Variants in DEDD observed in about 807,000 individuals in gnomAD.
DEDD encodes the protein death effector domain containing.
Under a neutral mutation model 29.2 loss-of-function variants are expected in DEDD, and 3 were observed. The observed-to-expected ratio is 0.10, with a 90% CI of 0.05 to 0.27. The LOEUF (loss-of-function observed/expected upper bound fraction) is 0.27, where lower values mean the gene tolerates loss of function less well. Among genes scored for constraint, DEDD ranks in the 10% least tolerant of loss-of-function variants. The pLI, the probability that DEDD is intolerant of heterozygous loss-of-function variation, is 1.00. For synonymous variants in DEDD, 152 were observed against 161.3 expected (o/e 0.94, Z 0.44); for missense variants, 261 against 420.5 (o/e 0.62, Z 3.32).
chr1:161,126,068 C>T (rs971355790), intron 2 of DEDD, among the ~76,000 whole-genome samples: 38 of 152,334 alleles, frequency 2.5e-4, no homozygotes, highest in East Asian at 9.6e-4. Flanking sequence ...TCCAATCACA[C>T]AATCAATCCT....
At chr1:161,128,901 C>G (rs918051135) in intron 2 of DEDD, among the ~76,000 whole-genome samples, 1 of 152,198 alleles carries the variant, frequency 6.6e-6, no homozygotes, top group African/African-American at 2.4e-5. Flanking sequence ...CTTGGGTCCT[C>G]TGTCACCTGC....
At chr1:161,130,195 A>C (rs745658565) in intron 2 of DEDD, among the ~76,000 whole-genome samples, 4 of 152,244 alleles carry the variant, frequency 2.6e-5, no homozygotes, top group Non-Finnish European at 5.9e-5. Context: ...TTGTAATTTC[A>C]TAGAATTAAG....
intron 2 of DEDD, among the ~76,000 whole-genome samples, chr1:161,126,449 T>C (rs1419867177): frequency 6.6e-6 from 1 of 151,242 alleles, no homozygotes; most frequent in African/African-American, 2.4e-5. Context: ...GTTCAAGCGA[T>C]TCTCCTGCCT....
chr1:161,120,988 CATT>C lies in DEDD; in HGVS notation c.*1156_*1158del. The C allele has an allele frequency of 7.1e-7, 1 of 1,404,136 alleles. No individual in the cohort carries two copies. Among genetic ancestry groups the C allele is most frequent in the South Asian group, 1.6e-5 (1 of 62,960 alleles). The allele number at this position is 1,404,136 out of a possible 1,614,324, so 87.0% of individuals were successfully genotyped here. Reference sequence around the variant, plus strand: ...TCAGAAAGGTGGAATTTTATATAGTCATTGTTTATTTCATGGAAACTGAAGTTC... The same window carrying C: ...TCAGAAAGGTGGAATTTTATATAGTCGTTTATTTCATGGAAACTGAAGTTC... On this transcript the variant is annotated 3_prime_UTR_variant, in exon 6 of 6. Transcript: ENST00000368006.
At chr1:161,127,264 C>G (rs1237282995) in intron 2 of DEDD, among the ~76,000 whole-genome samples, 1 of 152,176 alleles carries the variant, frequency 6.6e-6, no homozygotes, top group Non-Finnish European at 1.5e-5. Context: ...TGCATATATT[C>G]TAACTAGCCA....
rs767409874 is a variant in DEDD at position 161,124,318 on chromosome 1, A to G, written c.145T>C (p.Phe49Leu). 15 of 1,614,148 alleles carry G rather than the reference A, an allele frequency of 9.3e-6. No individual in the cohort carries two copies. The highest frequency in any genetic ancestry group is 1.3e-5 in the Non-Finnish European group (15 of 1,180,050). Residue 49 changes from phenylalanine (F) to leucine (L), a missense_variant, in exon 3 of 6, where the codon TTT becomes CTT. Coordinates refer to ENST00000368006, the MANE Select transcript of DEDD (RefSeq NM_032998.3). Reference sequence around the variant, plus strand: ...TCGTGGTCATCAATGACATCAACAAAGAGGAAAGAAAGCACGCGCACATCT... The same window carrying G: ...TCGTGGTCATCAATGACATCAACAAGGAGGAAAGAAAGCACGCGCACATCT... Reference protein sequence around the residue: ...HRDVRVLSFLFVDVIDDHERG... With the variant: ...HRDVRVLSFLLVDVIDDHERG...
At position 161,122,648 on chromosome 1, in the gene DEDD, A is replaced by C; in HGVS notation, c.581-125T>G. On this transcript the variant is annotated intron_variant, in intron 5 of 5. Transcript: ENST00000368006. The surrounding 1 kb of genome is among the most constrained non-coding windows in gnomAD (Gnocchi z 4.2). The stretch of plus-strand genomic sequence containing the variant: ...GGGAATATCACCTGACAGCTTCTCT[A>C]CCTCTTCCCCAGGACTATTTCTATG... 1 of 1,232,132 alleles carries C rather than the reference A, an allele frequency of 8.1e-7. No individual in the cohort carries two copies. The highest frequency in any genetic ancestry group is 1.1e-6 in the Non-Finnish European group (1 of 896,424). The allele number at this position is 1,232,132 out of a possible 1,614,324, so 76.3% of individuals were successfully genotyped here.
chr1:161,124,432 C>T lies in DEDD; in HGVS notation c.31G>A (p.Val11Met), dbSNP rs1382044779. The T allele has an allele frequency of 4.4e-6, 7 of 1,605,352 alleles. No individual in the cohort carries two copies. The highest frequency in any genetic ancestry group is 3.3e-5 in the Admixed American group (2 of 59,878). ...TGCTCACCATGCTCTTCTGGCCACACCTGGCTTGCCCGCCGCTTTAGGCCC... is the reference window on the plus strand; with the variant it reads ...TGCTCACCATGCTCTTCTGGCCACATCTGGCTTGCCCGCCGCTTTAGGCCC... MAGLKRRASQVWPEEHGEQEH... is the reference protein window; with the variant it reads MAGLKRRASQMWPEEHGEQEH... Residue 11 changes from valine to methionine, a missense_variant, in exon 3 of 6, where the codon GTG (valine) becomes ATG (methionine). This residue lies in a region of DEDD where 203 missense variants were observed against 268.7 expected (regional missense o/e 0.76). Coordinates refer to ENST00000368006, the MANE Select transcript of DEDD (RefSeq NM_032998.3).
In DEDD at chr1:161,122,430, T is replaced by C. The variant is rs1655599115; in HGVS notation, c.674A>G (p.Gln225Arg). The change falls in exon 6 of 6, where the codon CAG becomes CGG. Residue 225 changes from glutamine to arginine, a missense_variant. Gln to Arg is a conservative substitution (Grantham distance 43, BLOSUM62 1). This residue lies in a region of DEDD where 58 missense variants were observed against 151.8 expected (regional missense o/e 0.38). Coordinates refer to ENST00000368006, the MANE Select transcript of DEDD (RefSeq NM_032998.3). This position sits in a 1 kb window ranked among gnomAD's most constrained non-coding sequence, Gnocchi z 4.2. ...GTTGGCCTGGTTAAAGCGCTCAAAC[T>C]GGCGCTCAAGTGGGTCCTGCTTGTT... ...FSNKQDPLER[Q>R]FERFNQANTI... The C allele has an allele frequency of 6.2e-7, 1 of 1,614,084 alleles. No homozygotes were observed.
intron 2 of DEDD, among the ~76,000 whole-genome samples, chr1:161,129,162 CAT>C (rs1267209686): frequency 2.6e-5 from 4 of 152,146 alleles, no homozygotes; most frequent in African/African-American, 7.2e-5. Flanking sequence ...ATGAAGCAAA[CAT>C]AGAAATATGT....
rs372299636 is a variant in DEDD, at chr1:161,123,546, G to A, written c.433+293C>T. On this transcript the variant is annotated intron_variant, in intron 4 of 5. Transcript: ENST00000368006. Reference sequence around the variant, plus strand: ...AGCTACTCAGGAGGCTGAGGCAGGAGAATGGCGTGCACCTGGGAAGTGGGG... The same window carrying A: ...AGCTACTCAGGAGGCTGAGGCAGGAAAATGGCGTGCACCTGGGAAGTGGGG... Among the ~76,000 whole-genome samples, 8 of 151,140 alleles carry A rather than the reference G, an allele frequency of 5.3e-5. No individual in the cohort carries two copies. The East Asian group carries it at 9.8e-4, about 18-fold the overall frequency.
rs74124645 is a variant in DEDD, at chr1:161,127,976, C to T, written c.-65+2839G>A. 3.1e-3 allele frequency among the ~76,000 whole-genome samples: 465 copies of T among 152,320 alleles called. 3 individuals carry two copies. The highest frequency in any genetic ancestry group is 0.011 in the African/African-American group (446 of 41,562). On this transcript the variant is annotated intron_variant, in intron 2 of 5. Transcript: ENST00000368006. ...TGAAGAAACACTGTCCCCACATACC[C>T]TCGCAATGGAAAATAAGGCAAAATA...
At chr1:161,130,282 C>T (rs1656559856) in intron 2 of DEDD, among the ~76,000 whole-genome samples, 1 of 152,090 alleles carries the variant, frequency 6.6e-6, no homozygotes, top group Non-Finnish European at 1.5e-5. Flanking sequence ...TATCTTGAAA[C>T]TTAAATTAAA....
intron 4 of DEDD, 57 bp downstream of exon 4, chr1:161,123,782 G>T: frequency 6.9e-7 from 1 of 1,440,892 alleles, no homozygotes; most frequent in Non-Finnish European, 9.6e-7. Flanking sequence ...AGAATGTGAT[G>T]GGATCAGTGT....
Position 161,121,978 on chromosome 1 carries a change from G to A in DEDD, c.*169C>T. 3 of 834,774 alleles carry A rather than the reference G, an allele frequency of 3.6e-6. No individual in the cohort carries two copies. The highest frequency in any genetic ancestry group is 1.8e-5 in the South Asian group (1 of 54,940). The allele number at this position is 834,774 out of a possible 1,614,324, so 51.7% of individuals were successfully genotyped here. ...GGGGAAGCCCAGGCACATGGGTGCAGGGAGGGGTGGGGAATACCACTTCCA... is the reference window on the plus strand; with the variant it reads ...GGGGAAGCCCAGGCACATGGGTGCAAGGAGGGGTGGGGAATACCACTTCCA... On this transcript the variant is annotated 3_prime_UTR_variant, in exon 6 of 6. Transcript: ENST00000368006.
In DEDD at chr1:161,124,476, G is replaced by T; in HGVS notation, c.-14C>A. On this transcript the variant is annotated 5_prime_UTR_variant, in exon 3 of 6. Transcript: ENST00000368006. Reference sequence around the variant, plus strand: ...TAGGCCCGCCATGCTGGGGGCTCAGGTACGCAATGCTTTCCAGAATCCCTG... The same window carrying T: ...TAGGCCCGCCATGCTGGGGGCTCAGTTACGCAATGCTTTCCAGAATCCCTG... 6.3e-7 allele frequency: 1 copy of T among 1,590,504 alleles called. No homozygotes were observed. The highest frequency in any genetic ancestry group is 2.2e-5 in the East Asian group (1 of 44,454).
rs1402192136 is a variant in DEDD, at chr1:161,121,197, GCA to G, written c.*948_*949del. 9.8e-7 allele frequency: 1 copy of G among 1,025,098 alleles called. No homozygotes were observed. The highest frequency in any genetic ancestry group is 1.2e-6 in the Non-Finnish European group (1 of 852,998). 63.5% of individuals were successfully genotyped at this position (1,025,098 alleles called of 1,614,324 possible). A position where few individuals can be genotyped will look rare whatever the true frequency, so the allele number is the denominator to read the frequency against. Reference sequence around the variant, plus strand: ...CCTAAATAAAAGTGCAACACTCAGTGCATGTCCCAGCCCCATTCTCCCAAGCA... The same window carrying G: ...CCTAAATAAAAGTGCAACACTCAGTGTGTCCCAGCCCCATTCTCCCAAGCA... On this transcript the variant is annotated 3_prime_UTR_variant, in exon 6 of 6. Coordinates refer to ENST00000368006, the MANE Select transcript of DEDD (RefSeq NM_032998.3).
In DEDD at chr1:161,122,350, C is replaced by G; in HGVS notation, c.754G>C (p.Glu252Gln). The change falls in exon 6 of 6, where the codon GAG becomes CAG. Residue 252 changes from glutamate (E) to glutamine (Q), a missense_variant. This residue lies in a region of DEDD where 58 missense variants were observed against 151.8 expected (regional missense o/e 0.38). Transcript: ENST00000368006. The surrounding 1 kb of genome is among the most constrained non-coding windows in gnomAD (Gnocchi z 4.2). ...CAGAATGCATCGAGGTAGGTGAGCT[C>G]AGAGAACTTGATGTCACAGATGATG... is the stretch of plus-strand genomic sequence containing the variant. Reference protein sequence around the residue: ...GSIICDIKFSELTYLDAFWRD... With the variant: ...GSIICDIKFSQLTYLDAFWRD... 6.2e-7 allele frequency: 1 copy of G among 1,614,210 alleles called. No individual in the cohort carries two copies. The highest frequency in any genetic ancestry group is 8.5e-7 in the Non-Finnish European group (1 of 1,180,052).
intron 3 of DEDD, 66 bp downstream of exon 3, chr1:161,124,072 G>A (rs764999768): frequency 5.6e-5 from 89 of 1,579,462 alleles, no homozygotes; most frequent in African/African-American, 2.4e-4. Flanking sequence ...CCCTTTGGAC[G>A]CCTATGCTGC....
Sources: gnomAD v4.1 joint callset for allele counts (sites outside exome capture counted in the v4.1 genomes callset) on GRCh38, gnomAD v4.1.1 for gene constraint, gnomAD v4.1.1 regional missense constraint, Gnocchi (gnomAD v3.1) non-coding constraint, MANE v1.5 for transcripts, NCBI Gene and HGNC (gene_info 2026-07-23, HGNC 2026-07-21) for gene names.